The following CD274 variants were observed in gnomAD, a reference collection of about 807,000 sequenced individuals.
The protein encoded by CD274 is programmed cell death 1 ligand 1.
Under a neutral mutation model 30.1 loss-of-function variants are expected in CD274, and 8 were observed. That is an observed-to-expected ratio of 0.27 (90% CI 0.16 to 0.48). The LOEUF (loss-of-function observed/expected upper bound fraction) is 0.48. CD274 is among the 20% of genes least tolerant of loss of function. The pLI is 0.99. For missense variants in CD274, 353 were observed against 346.6 expected (o/e 1.02, Z -0.15); for synonymous variants, 152 against 124.6 (o/e 1.22, Z -1.46).
At chr9:5,453,856 G>C (rs1261895046) in intron 1 of CD274, among the ~76,000 whole-genome samples, 1 of 152,174 alleles carries the variant, frequency 6.6e-6, no homozygotes, top group Admixed American at 6.5e-5. Flanking sequence ...GTGTTTGGCA[G>C]CACTCTTGGC....
intron 3 of CD274, among the ~76,000 whole-genome samples, chr9:5,457,915 A>G (rs912074220): frequency 2.0e-5 from 3 of 152,176 alleles, no homozygotes; most frequent in Admixed American, 2.0e-4. Context: ...TATCAAATGC[A>G]AATAAATATA....
chr9:5,464,425 G>A (rs985788661), intron 4 of CD274, among the ~76,000 whole-genome samples: 1 of 152,168 alleles, frequency 6.6e-6, no homozygotes, highest in African/African-American at 2.4e-5. Flanking sequence ...AAAGCTGGCT[G>A]TTGTTGTGTC....
intron 1 of CD274, among the ~76,000 whole-genome samples, chr9:5,451,316 C>G (rs1034599059): frequency 3.2e-4 from 49 of 151,988 alleles, no homozygotes; most frequent in African/African-American, 1.1e-3. Flanking sequence ...TTGCTGCATT[C>G]GATTAGATTG....
At chr9:5,462,794 G>C (rs2131222542) in intron 3 of CD274, 40 bp from the exon 4 acceptor site, 2 of 1,584,164 alleles carry the variant, frequency 1.3e-6, no homozygotes, top group Admixed American at 1.7e-5. Context: ...GTAGTTCTGT[G>C]CTCAGCAAAA....
chr9:5,462,727 C>G (rs1376326809), intron 3 of CD274, 107 bp from the exon 4 acceptor site: 1 of 1,052,266 alleles, frequency 9.5e-7, no homozygotes, highest in East Asian at 2.4e-5. Context: ...GCATATCCCT[C>G]TGAGAACCAG....
At chr9:5,451,896 T>C (rs185018187) in intron 1 of CD274, among the ~76,000 whole-genome samples, 21 of 152,206 alleles carry the variant, frequency 1.4e-4, no homozygotes, top group Admixed American at 8.5e-4. Context: ...GCCCAGGCTG[T>C]TCTCGAACTC....
chr9:5,464,630 A>G (rs1222412656), intron 4 of CD274, among the ~76,000 whole-genome samples: 1 of 152,164 alleles, frequency 6.6e-6, no homozygotes, highest in East Asian at 1.9e-4. Context: ...TGTTGTCCAG[A>G]GATGTTCAAA....
intron 5 of CD274, 33 bp downstream of exon 5, chr9:5,465,639 G>T: frequency 1.6e-6 from 2 of 1,290,088 alleles, no homozygotes; most frequent in Non-Finnish European, 2.3e-6. Context: ...GGTCTCCACT[G>T]GGGGTGAGGA....
At chr9:5,461,379 C>T (rs10975123) in intron 3 of CD274, among the ~76,000 whole-genome samples, 35,642 of 151,930 alleles carry the variant, frequency 0.23, 4,661 homozygotes, top group East Asian at 0.54. Context: ...CCGTAGCTAC[C>T]CCAAAGCAAC....
chr9:5,455,851 G>A (rs768656867), intron 1 of CD274, among the ~76,000 whole-genome samples: 6 of 151,910 alleles, frequency 3.9e-5, no homozygotes, highest in African/African-American at 9.7e-5. Flanking sequence ...TTTTTTTCAC[G>A]GCCTGTAACT....
chr9:5,462,342 AAAAT>A (rs1277163517), intron 3 of CD274, among the ~76,000 whole-genome samples: 2 of 152,232 alleles, frequency 1.3e-5, no homozygotes, highest in Non-Finnish European at 2.9e-5. Context: ...TATAACAACA[AAAAT>A]AAAATATCCA....
At chr9:5,463,537 T>C (rs1238488692) in intron 4 of CD274, among the ~76,000 whole-genome samples, 3 of 152,190 alleles carry the variant, frequency 2.0e-5, no homozygotes, top group African/African-American at 7.2e-5. Flanking sequence ...GGAATCCAAA[T>C]CCTGGCACAT....
Position 5,468,900 on chromosome 9 carries a change from T to C in CD274, c.*1038T>C, listed in dbSNP as rs1336684382. 1.3e-5 allele frequency: 3 copies of C among 233,062 alleles called. No individual in the cohort carries two copies. The highest frequency in any genetic ancestry group is 2.5e-5 in the Non-Finnish European group (3 of 117,968). 14.4% of individuals were successfully genotyped at this position (233,062 alleles called of 1,614,324 possible). A position where few individuals can be genotyped will look rare whatever the true frequency, so the allele number is the denominator to read the frequency against. On this transcript the variant is annotated 3_prime_UTR_variant, in exon 7 of 7. Transcript: ENST00000381577. ...TAAGTGCCCTTGCAATATCAATCGC[T>C]GTGCCAGGCATTGAATCTACAGATG...
chr9:5,468,090 GC>G lies in CD274; in HGVS notation c.*230del. ...GAGGGAGACCTTGATACTTTCAAAT[GC>G]CTGAGGGGCTCATCGACGCCTGTGA... is the stretch of plus-strand genomic sequence containing the variant. On this transcript the variant is annotated 3_prime_UTR_variant, in exon 7 of 7. Coordinates refer to ENST00000381577, the MANE Select transcript of CD274 (RefSeq NM_014143.4). 1.8e-6 allele frequency: 1 copy of G among 558,142 alleles called. No homozygotes were observed. Among genetic ancestry groups the G allele is most frequent in the Admixed American group, 3.2e-5 (1 of 31,286 alleles). The allele number at this position is 558,142 out of a possible 1,614,324, so 34.6% of individuals were successfully genotyped here.
rs184984492 is a variant in CD274, at chr9:5,464,480, G to A, written c.683-1019G>A. ...AGTCAAAGATGGATCATGGGTCTCA[G>A]TGGAGAGCTGAGCCAGGCAGGAGCT... On this transcript the variant is annotated intron_variant, in intron 4 of 6. Transcript: ENST00000381577. Among the ~76,000 whole-genome samples, 15 of 152,292 alleles carry A rather than the reference G, an allele frequency of 9.8e-5. No homozygotes were observed. In the East Asian group the frequency reaches 2.7e-3, roughly 27 times the overall value.
chr9:5,462,796 T>C (rs2131222559), intron 3 of CD274, 38 bp from the exon 4 acceptor site: 1 of 1,589,750 alleles, frequency 6.3e-7, no homozygotes, highest in South Asian at 1.1e-5. Flanking sequence ...AGTTCTGTGC[T>C]CAGCAAAAGC....
In CD274 at chr9:5,469,518, A is replaced by G. The variant is rs1229190468; in HGVS notation, c.*1656A>G. ...AAATTTTTTTCCTAAATAGTAACAC[A>G]TTGTATGTCTGCTGTGTACTTTGCT... On this transcript the variant is annotated 3_prime_UTR_variant, in exon 7 of 7. Coordinates refer to ENST00000381577, the MANE Select transcript of CD274 (RefSeq NM_014143.4). 1 of 231,282 alleles carries G rather than the reference A, an allele frequency of 4.3e-6. No individual in the cohort carries two copies. Among genetic ancestry groups the G allele is most frequent in the Non-Finnish European group, 8.5e-6 (1 of 116,974 alleles). The allele number at this position is 231,282 out of a possible 1,614,324, so 14.3% of individuals were successfully genotyped here. A position where few individuals can be genotyped will look rare whatever the true frequency, so the allele number is the denominator to read the frequency against.
At position 5,467,952 on chromosome 9, in the gene CD274, T is replaced by C; in HGVS notation, c.*90T>C. ...GGCTGAGCGTGACAAGAGGAAGGAA[T>C]GGGCCCGTGGGATGCAGGCAATGTG... is the stretch of plus-strand genomic sequence containing the variant. On this transcript the variant is annotated 3_prime_UTR_variant, in exon 7 of 7. Coordinates refer to ENST00000381577, the MANE Select transcript of CD274 (RefSeq NM_014143.4). 2 of 1,155,050 alleles carry C rather than the reference T, an allele frequency of 1.7e-6. No homozygotes were observed. Among genetic ancestry groups the C allele is most frequent in the South Asian group, 1.2e-5 (1 of 81,286 alleles). 71.6% of individuals were successfully genotyped at this position (1,155,050 alleles called of 1,614,324 possible).
Position 5,468,812 on chromosome 9 carries a change from T to C in CD274, c.*950T>C, listed in dbSNP as rs1233011455. The C allele has an allele frequency of 4.3e-6, 1 of 232,972 alleles. No homozygotes were observed. The highest frequency in any genetic ancestry group is 5.6e-5 in the Admixed American group (1 of 17,770). The allele number at this position is 232,972 out of a possible 1,614,324, so 14.4% of individuals were successfully genotyped here. A position where few individuals can be genotyped will look rare whatever the true frequency, so the allele number is the denominator to read the frequency against. ...ACCTCAGACTGCCACCCACTGTCCT[T>C]TTATAATACAATTTACAGCTATATT... On this transcript the variant is annotated 3_prime_UTR_variant, in exon 7 of 7. Coordinates refer to ENST00000381577, the MANE Select transcript of CD274 (RefSeq NM_014143.4).
Sources: allele counts gnomAD v4.1 joint callset (sites outside exome capture counted in the v4.1 genomes callset), GRCh38; gene constraint gnomAD v4.1.1; transcripts MANE v1.5; gene names NCBI Gene and HGNC (gene_info 2026-07-23, HGNC 2026-07-21).